PCNX4: variants seen among roughly 807,000 people sequenced by gnomAD.
PCNX4 encodes the protein pecanex-like protein 4.
PCNX4 carries 103 observed loss-of-function variants against 107.2 expected under a neutral mutation model. That is an observed-to-expected ratio of 0.96 (90% CI 0.82 to 1.13). The LOEUF (loss-of-function observed/expected upper bound fraction) is 1.13. Ranked by LOEUF, PCNX4 falls within the 50% of genes most tolerant of loss-of-function variation. PCNX4 has a pLI of 0.00. For missense variants in PCNX4, 1,528 were observed against 1,379.4 expected (o/e 1.11, Z -1.71); for synonymous variants, 541 against 481.7 (o/e 1.12, Z -1.61).
At chr14:60,119,202 G>A (rs1005194208) in intron 7 of PCNX4, among the ~76,000 whole-genome samples, 1 of 152,106 alleles carries the variant, frequency 6.6e-6, no homozygotes, top group East Asian at 1.9e-4. Context: ...CAGTAGGTAC[G>A]GTAGCCTCCC....
At position 60,115,704 on chromosome 14, in the gene PCNX4, T is replaced by C. The variant is rs963200232; in HGVS notation, c.1358-15T>C. 9.4e-6 allele frequency: 15 copies of C among 1,597,600 alleles called. No individual in the cohort carries two copies. The Middle Eastern group carries it at 5.2e-4, about 55-fold the overall frequency. ...TTTGCCTTAATTAAATTTCTCTCTT[T>C]TTGTTTTGTTTTAGTATCACCTTTT... On this transcript the variant is annotated splice_polypyrimidine_tract_variant and intron_variant, in intron 4 of 10. Coordinates refer to ENST00000406854, the MANE Select transcript of PCNX4 (RefSeq NM_001330177.2).
chr14:60,107,309 G>A (rs1895646813), intron 1 of PCNX4, among the ~76,000 whole-genome samples: 1 of 152,192 alleles, frequency 6.6e-6, no homozygotes, highest in Non-Finnish European at 1.5e-5. Context: ...TTGAGCTTGG[G>A]AGGTCAAGGC....
intron 1 of PCNX4, among the ~76,000 whole-genome samples, chr14:60,104,640 G>A (rs1412221418): frequency 1.3e-5 from 2 of 152,174 alleles, no homozygotes; most frequent in African/African-American, 2.4e-5. Flanking sequence ...GGTGGAAGGT[G>A]AAAGGCATGT....
intron 1 of PCNX4, among the ~76,000 whole-genome samples, chr14:60,103,497 T>C (rs1055515645): frequency 6.6e-6 from 1 of 152,212 alleles, no homozygotes; most frequent in Non-Finnish European, 1.5e-5. Flanking sequence ...TATATGATCC[T>C]GTATCTTTCA....
In PCNX4 at chr14:60,141,027, T is replaced by A. The variant is rs183422442; in HGVS notation, c.*6806T>A. The A allele has an allele frequency of 6.6e-6, 1 of 152,210 alleles. No homozygotes were observed. Among genetic ancestry groups the A allele is most frequent in the Non-Finnish European group, 1.5e-5 (1 of 68,032 alleles). The allele number at this position is 152,210 out of a possible 1,614,324, so 9.4% of individuals were successfully genotyped here. On this transcript the variant is annotated 3_prime_UTR_variant, in exon 11 of 11. Coordinates refer to ENST00000406854, the MANE Select transcript of PCNX4 (RefSeq NM_001330177.2). ...AGGGAAAATTAATTTTCCCTACTTA[T>A]AAAGATGAAAGAGGCAGCCATCCTC...
At chr14:60,093,157 C>T (rs1211033709) in intron 1 of PCNX4, among the ~76,000 whole-genome samples, 2 of 152,130 alleles carry the variant, frequency 1.3e-5, no homozygotes, top group Admixed American at 6.5e-5. Context: ...TAAAGAGCTG[C>T]CTTCTAATTA....
In PCNX4 at chr14:60,134,225, T is replaced by C; in HGVS notation, c.*4T>C. 6.2e-7 allele frequency: 1 copy of C among 1,611,470 alleles called. No individual in the cohort carries two copies. The highest frequency in any genetic ancestry group is 8.5e-7 in the Non-Finnish European group (1 of 1,178,292). ...TCTCCACATACATTTGTATTAGAGC[T>C]CATTTTGACTGTAATGTCATCAAAT... is the stretch of plus-strand genomic sequence containing the variant. On this transcript the variant is annotated 3_prime_UTR_variant, in exon 11 of 11. Coordinates refer to ENST00000406854, the MANE Select transcript of PCNX4 (RefSeq NM_001330177.2).
At position 60,115,768 on chromosome 14, in the gene PCNX4, A is replaced by G. The variant is rs993775970; in HGVS notation, c.1407A>G (p.Gln469=). Residue 469 remains glutamine, a synonymous_variant, in exon 5 of 11, where the codon CAA becomes CAG. Coordinates refer to ENST00000406854, the MANE Select transcript of PCNX4 (RefSeq NM_001330177.2). ...TTCTTTCATTGGACAGTTCCTTACA[A>G]GGGCTCCACTCAGTGTCTGTCTGTA... The part of the protein sequence containing the change: ...IAFLSLDSSL[Q]GLHSVSVCIG... The G allele has an allele frequency of 1.9e-6, 3 of 1,613,342 alleles. No individual in the cohort carries two copies. The highest frequency in any genetic ancestry group is 1.7e-6 in the Non-Finnish European group (2 of 1,179,530).
Position 60,134,156 on chromosome 14 carries a change from G to A in PCNX4, c.3454G>A (p.Ala1152Thr), listed in dbSNP as rs751781810. 6 of 1,613,582 alleles carry A rather than the reference G, an allele frequency of 3.7e-6. No individual in the cohort carries two copies. The highest frequency in any genetic ancestry group is 5.1e-6 in the Non-Finnish European group (6 of 1,179,684). The change falls in exon 11 of 11, where the codon GCA becomes ACA. Residue 1152 changes from alanine to threonine, a missense_variant. Transcript: ENST00000406854. ...ACTTTTAAGAAATCTTACGGTACAA[G>A]CAGCAGAACCTCCCCTGGGATATCC... ...PLLLRNLTVQ[A>T]AEPPLGYPIY...
At position 60,142,654 on chromosome 14, in the gene PCNX4, A is replaced by C. The variant is rs1178711784; in HGVS notation, c.*8433A>C. The C allele has an allele frequency of 1.3e-5, 2 of 152,322 alleles. No individual in the cohort carries two copies. Among genetic ancestry groups the C allele is most frequent in the Non-Finnish European group, 1.5e-5 (1 of 68,042 alleles). The allele number at this position is 152,322 out of a possible 1,614,324, so 9.4% of individuals were successfully genotyped here. A position where few individuals can be genotyped will look rare whatever the true frequency, so the allele number is the denominator to read the frequency against. On this transcript the variant is annotated 3_prime_UTR_variant, in exon 11 of 11. Transcript: ENST00000406854. This position sits in a 1 kb window ranked among gnomAD's most constrained non-coding sequence, Gnocchi z 4.7. ...TGACAAAAAAGCCTAAGAAAGAAAG[A>C]GGGTGTGTACAGAAAATTACATGCC...
At position 60,105,547 on chromosome 14, in the gene PCNX4, G is replaced by T. The variant is rs763359697; in HGVS notation, c.-53-2039G>T. ...ATAGGTGTGTGTACTCTTTTTTTTG[G>T]ATACAAATGGAATCAGTAGGGTGTT... On this transcript the variant is annotated intron_variant, in intron 1 of 10. Transcript: ENST00000406854. Among the ~76,000 whole-genome samples, 101 of 151,744 alleles carry T rather than the reference G, an allele frequency of 6.7e-4. 1 individual carries two copies. Among genetic ancestry groups the T allele is most frequent in the Non-Finnish European group, 1.4e-3 (93 of 67,938 alleles).
chr14:60,106,157 G>C (rs958505536), intron 1 of PCNX4, among the ~76,000 whole-genome samples: 3 of 152,120 alleles, frequency 2.0e-5, no homozygotes, highest in African/African-American at 4.8e-5. Context: ...CTGTAGTTCT[G>C]TTATTTTGTG....
intron 1 of PCNX4, among the ~76,000 whole-genome samples, chr14:60,103,689 C>A (rs2140534030): frequency 6.6e-6 from 1 of 152,310 alleles, no homozygotes; most frequent in Non-Finnish European, 1.5e-5. Flanking sequence ...CCTTCTTTCT[C>A]AGTATGAACT....
chr14:60,104,987 G>T (rs1166924738), intron 1 of PCNX4, among the ~76,000 whole-genome samples: 2 of 152,172 alleles, frequency 1.3e-5, no homozygotes, highest in Non-Finnish European at 2.9e-5. Context: ...AAATCCTTGA[G>T]ACCAGAAGTG....
rs914526347 is a variant in PCNX4 at position 60,124,600 on chromosome 14, T to C, written c.2429T>C (p.Ile810Thr). 9 of 1,613,788 alleles carry C rather than the reference T, an allele frequency of 5.6e-6. No homozygotes were observed. Among genetic ancestry groups the C allele is most frequent in the African/African-American group, 4.0e-5 (3 of 75,018 alleles). ...CCACCTCCCAAATCCCCAGAAGACA[T>C]AGACAGTTTAAATTCAGAAACTTTT... is the stretch of plus-strand genomic sequence containing the variant. The part of the protein sequence containing the change: ...TLPPPKSPED[I>T]DSLNSETFND... Residue 810 changes from isoleucine to threonine, a missense_variant, in exon 9 of 11, where the codon ATA becomes ACA. Physicochemically the swap from Ile to Thr is moderately conservative, Grantham distance 89 (BLOSUM62 -1). Transcript: ENST00000406854.
intron 1 of PCNX4, among the ~76,000 whole-genome samples, chr14:60,104,021 T>C (rs190407188): frequency 1.5e-3 from 234 of 152,328 alleles, no homozygotes; most frequent in Non-Finnish European, 2.8e-3. Context: ...GCTGCAAGTT[T>C]TTGAAAATGG....
rs904228704 is a variant in PCNX4, at chr14:60,145,193, C to T, written c.*10972C>T. ...AATCATAGCCAAAATTCTAGATGTACACAAAAGTACTTCTAATGAGTTTAG... is the reference window on the plus strand; with the variant it reads ...AATCATAGCCAAAATTCTAGATGTATACAAAAGTACTTCTAATGAGTTTAG... On this transcript the variant is annotated 3_prime_UTR_variant, in exon 11 of 11. Transcript: ENST00000406854. The surrounding 1 kb of genome is among the most constrained non-coding windows in gnomAD (Gnocchi z 4.0). 1.1e-4 allele frequency: 53 copies of T among 465,660 alleles called. No homozygotes were observed. Among genetic ancestry groups the T allele is most frequent in the Non-Finnish European group, 1.1e-4 (29 of 269,942 alleles). The allele number at this position is 465,660 out of a possible 1,614,324, so 28.8% of individuals were successfully genotyped here.
At chr14:60,122,863 C>A (rs551206808) in intron 8 of PCNX4, among the ~76,000 whole-genome samples, 4 of 152,186 alleles carry the variant, frequency 2.6e-5, no homozygotes, top group Admixed American at 6.5e-5. Flanking sequence ...TGGATAAAAT[C>A]GCTAGTGACT....
intron 8 of PCNX4, among the ~76,000 whole-genome samples, chr14:60,122,678 C>T (rs993338759): frequency 5.9e-5 from 9 of 152,112 alleles, no homozygotes; most frequent in African/African-American, 2.2e-4. Flanking sequence ...GGTGATTACC[C>T]ATGTCCCTCA....
Sources: allele counts gnomAD v4.1 joint callset (sites outside exome capture counted in the v4.1 genomes callset), GRCh38; gene constraint gnomAD v4.1.1; non-coding constraint Gnocchi (gnomAD v3.1); transcripts MANE v1.5; gene names NCBI Gene and HGNC (gene_info 2026-07-23, HGNC 2026-07-21).